MEGF8: variants seen among roughly 807,000 people sequenced by gnomAD.
MEGF8 encodes the protein multiple EGF like domains 8.
In MEGF8, 156 loss-of-function variants were observed where a neutral mutation model predicts 302.9. The ratio of observed to expected loss-of-function variants is 0.52; its 90% CI spans 0.45 to 0.59. The LOEUF is 0.59. Among genes scored for constraint, MEGF8 ranks in the 20% least tolerant of loss-of-function variants. The pLI is 0.00. For synonymous variants in MEGF8, 1,621 were observed against 1,660.5 expected (o/e 0.98, Z 0.58); for missense variants, 3,345 against 3,964.5 (o/e 0.84, Z 4.20).
intron 23 of MEGF8, among the ~76,000 whole-genome samples, chr19:42,355,344 C>T (rs529752602): frequency 6.6e-6 from 1 of 152,220 alleles, no homozygotes; most frequent in African/African-American, 2.4e-5. Context: ...AAATCAGTAT[C>T]TTTTCTAAAG....
Position 42,368,394 on chromosome 19 carries a change from G to A in MEGF8, c.6274-61G>A. The A allele has an allele frequency of 7.1e-7, 1 of 1,414,916 alleles. No individual in the cohort carries two copies. Among genetic ancestry groups the A allele is most frequent in the South Asian group, 1.4e-5 (1 of 73,232 alleles). The allele number at this position is 1,414,916 out of a possible 1,614,324, so 87.6% of individuals were successfully genotyped here. ...CTGGGAAGATACCCAGAATGTGTTT[G>A]TTTAAGCTTATTTCCCCATCTCTCT... is the stretch of plus-strand genomic sequence containing the variant. On this transcript the variant is annotated intron_variant, in intron 35 of 41. Transcript: ENST00000251268. This position sits in a 1 kb window ranked among gnomAD's most constrained non-coding sequence, Gnocchi z 4.9.
intron 1 of MEGF8, among the ~76,000 whole-genome samples, chr19:42,331,789 C>T (rs758156199): frequency 2.0e-5 from 3 of 149,512 alleles, no homozygotes; most frequent in African/African-American, 4.9e-5. Flanking sequence ...AGGCTGGTCT[C>T]GAACTCTTGA....
At position 42,362,579 on chromosome 19, in the gene MEGF8, C is replaced by T. The variant is rs1264350303; in HGVS notation, c.6040C>T (p.Arg2014Trp). The change falls in exon 34 of 42, where the codon CGG becomes TGG. Residue 2014 changes from arginine to tryptophan, a missense_variant. By Grantham distance (101) the Arg-to-Trp change is moderately radical. Coordinates refer to ENST00000251268, the MANE Select transcript of MEGF8 (RefSeq NM_001271938.2). ...CTREGKCMWT[R>W]QFKRTGETRR... ...GCGGGAGGGCAAGTGCATGTGGACGCGGCAGTTCAAGAGGACAGGTGAGCA... is the reference window on the plus strand; with the variant it reads ...GCGGGAGGGCAAGTGCATGTGGACGTGGCAGTTCAAGAGGACAGGTGAGCA... 4 of 1,612,574 alleles carry T rather than the reference C, an allele frequency of 2.5e-6. No individual in the cohort carries two copies. Among genetic ancestry groups the T allele is most frequent in the African/African-American group, 1.3e-5 (1 of 75,040 alleles).
At chr19:42,348,847 CA>C (rs1301274549) in intron 13 of MEGF8, among the ~76,000 whole-genome samples, 1 of 152,232 alleles carries the variant, frequency 6.6e-6, no homozygotes, top group Non-Finnish European at 1.5e-5. Context: ...GATGATCCGC[CA>C]CCTTGGCCTC....
intron 31 of MEGF8, among the ~76,000 whole-genome samples, chr19:42,360,426 A>G (rs13346991): frequency 0.085 from 12,676 of 148,782 alleles, 678 homozygotes; most frequent in Middle Eastern, 0.16. Flanking sequence ...GCTCACTGCA[A>G]CCTCAACCTC....
chr19:42,363,668 GCT>G (rs972653880), intron 35 of MEGF8, among the ~76,000 whole-genome samples: 1 of 152,064 alleles, frequency 6.6e-6, no homozygotes, highest in Non-Finnish European at 1.5e-5. Flanking sequence ...AACCTTTTCT[GCT>G]TCCCTCCTCT....
Position 42,376,007 on chromosome 19 carries a change from C to T in MEGF8, c.7770C>T (p.Arg2590=), listed in dbSNP as rs558377122. The change falls in exon 42 of 42, where the codon CGC becomes CGT. Residue 2590 remains arginine, a synonymous_variant. Coordinates refer to ENST00000251268, the MANE Select transcript of MEGF8 (RefSeq NM_001271938.2). This position sits in a 1 kb window ranked among gnomAD's most constrained non-coding sequence, Gnocchi z 8.2. ...VTEPSAVLVV[R]GVRDRLVITY... ...AGCCGTCGGCAGTGCTGGTGGTCCG[C>T]GGCGTGCGGGACCGGCTGGTCATCA... 37 of 1,606,044 alleles carry T rather than the reference C, an allele frequency of 2.3e-5. No homozygotes were observed. The East Asian group carries it at 2.7e-4, about 12-fold the overall frequency.
rs2039746516 is a variant in MEGF8 at position 42,375,083 on chromosome 19, A to G, written c.7270-424A>G. Among the ~76,000 whole-genome samples the G allele has an allele frequency of 6.6e-6, 1 of 152,174 alleles. No individual in the cohort carries two copies. The highest frequency in any genetic ancestry group is 2.4e-5 in the African/African-American group (1 of 41,450). On this transcript the variant is annotated intron_variant, in intron 41 of 41. Transcript: ENST00000251268. The surrounding 1 kb of genome is among the most constrained non-coding windows in gnomAD (Gnocchi z 7.1). Reference sequence around the variant, plus strand: ...CGCCGAGTGCCATGCACATGATCTCAGTGGTCCTGTGAGCGAGCCGTGGTT... The same window carrying G: ...CGCCGAGTGCCATGCACATGATCTCGGTGGTCCTGTGAGCGAGCCGTGGTT...
chr19:42,369,091 G>C lies in MEGF8; in HGVS notation c.6641+89G>C. The C allele has an allele frequency of 6.7e-7, 1 of 1,502,716 alleles. No individual in the cohort carries two copies. The highest frequency in any genetic ancestry group is 2.1e-5 in the Admixed American group (1 of 47,918). 93.1% of individuals were successfully genotyped at this position (1,502,716 alleles called of 1,614,324 possible). A position where few individuals can be genotyped will look rare whatever the true frequency, so the allele number is the denominator to read the frequency against. On this transcript the variant is annotated intron_variant, in intron 37 of 41. Transcript: ENST00000251268. This position sits in a 1 kb window ranked among gnomAD's most constrained non-coding sequence, Gnocchi z 5.7. ...ATGGATGAGGCCTAGAGCCAAGCAG[G>C]ACAGAAGAAAAGAAAGCTCGAGGCA...
Position 42,336,449 on chromosome 19 carries a change from G to C in MEGF8, c.1244+103G>C. 1 of 1,184,216 alleles carries C rather than the reference G, an allele frequency of 8.4e-7. No individual in the cohort carries two copies. Among genetic ancestry groups the C allele is most frequent in the Non-Finnish European group, 1.2e-6 (1 of 869,310 alleles). 73.4% of individuals were successfully genotyped at this position (1,184,216 alleles called of 1,614,324 possible). A position where few individuals can be genotyped will look rare whatever the true frequency, so the allele number is the denominator to read the frequency against. On this transcript the variant is annotated intron_variant, in intron 6 of 41. Coordinates refer to ENST00000251268, the MANE Select transcript of MEGF8 (RefSeq NM_001271938.2). The surrounding 1 kb of genome is among the most constrained non-coding windows in gnomAD (Gnocchi z 4.8). ...CTTTGCCCACTGTCGGACTCCTGTG[G>C]TCTCTCAGTCACTCCTTCCTTCATG...
In MEGF8 at chr19:42,368,814, C is replaced by T; in HGVS notation, c.6482-29C>T. ...AACTGGGGCAGGTGGTACAGAGGTC[C>T]AGGTAAAATGCTATATCCCCGGTGC... On this transcript the variant is annotated intron_variant, in intron 36 of 41. Transcript: ENST00000251268. The surrounding 1 kb of genome is among the most constrained non-coding windows in gnomAD (Gnocchi z 4.9). 6.2e-7 allele frequency: 1 copy of T among 1,606,978 alleles called. No homozygotes were observed. Among genetic ancestry groups the T allele is most frequent in the Non-Finnish European group, 8.5e-7 (1 of 1,176,152 alleles).
chr19:42,371,062 C>T (rs931120670), intron 40 of MEGF8, among the ~76,000 whole-genome samples: 1 of 150,504 alleles, frequency 6.6e-6, no homozygotes, highest in African/African-American at 2.4e-5. Context: ...GTCCACAGAG[C>T]GGCCCCATCG....
chr19:42,354,829 G>T lies in MEGF8; in HGVS notation c.4144+109G>T. 2 of 1,213,206 alleles carry T rather than the reference G, an allele frequency of 1.6e-6. No individual in the cohort carries two copies. Among genetic ancestry groups the T allele is most frequent in the South Asian group, 1.5e-5 (1 of 64,882 alleles). The allele number at this position is 1,213,206 out of a possible 1,614,324, so 75.2% of individuals were successfully genotyped here. A position where few individuals can be genotyped will look rare whatever the true frequency, so the allele number is the denominator to read the frequency against. ...GGACCCAGCTCTGCCGCTGCTTATG[G>T]GGTGATGTAGTCCCTCACCATCTCT... On this transcript the variant is annotated intron_variant, in intron 23 of 41. Coordinates refer to ENST00000251268, the MANE Select transcript of MEGF8 (RefSeq NM_001271938.2). This position sits in a 1 kb window ranked among gnomAD's most constrained non-coding sequence, Gnocchi z 4.3.
chr19:42,372,474 G>A (rs927788858), intron 41 of MEGF8, among the ~76,000 whole-genome samples: 3 of 151,822 alleles, frequency 2.0e-5, no homozygotes, highest in Non-Finnish European at 4.4e-5. Flanking sequence ...CCACCTCCCC[G>A]CCACCTTCTC....
At chr19:42,350,772 G>A (rs967198322) in intron 15 of MEGF8, among the ~76,000 whole-genome samples, 1 of 152,136 alleles carries the variant, frequency 6.6e-6, no homozygotes, top group Non-Finnish European at 1.5e-5. Context: ...AAGGGTCCAG[G>A]CTCTAAGTCC....
At chr19:42,339,529 C>G (rs1325085989) in intron 8 of MEGF8, among the ~76,000 whole-genome samples, 1 of 152,106 alleles carries the variant, frequency 6.6e-6, no homozygotes, top group African/African-American at 2.4e-5. Context: ...TGAAAAATGT[C>G]TGTTCATGTC....
chr19:42,358,044 G>A lies in MEGF8; in HGVS notation c.5012-100G>A. On this transcript the variant is annotated intron_variant, in intron 28 of 41. Coordinates refer to ENST00000251268, the MANE Select transcript of MEGF8 (RefSeq NM_001271938.2). This position sits in a 1 kb window ranked among gnomAD's most constrained non-coding sequence, Gnocchi z 4.4. ...GGGCTCCCAGGCCTCCAGTCTCAGG[G>A]CCGGGGAAGGGAGTGGTCACCGAAC... is the stretch of plus-strand genomic sequence containing the variant. 8.2e-7 allele frequency: 1 copy of A among 1,219,430 alleles called. No homozygotes were observed. Among genetic ancestry groups the A allele is most frequent in the Non-Finnish European group, 1.1e-6 (1 of 916,926 alleles). 75.5% of individuals were successfully genotyped at this position (1,219,430 alleles called of 1,614,324 possible).
rs2039440832 is a variant in MEGF8 at position 42,355,698 on chromosome 19, G to T, written c.4145-60G>T. 3 of 1,491,682 alleles carry T rather than the reference G, an allele frequency of 2.0e-6. No individual in the cohort carries two copies. In the Admixed American group the frequency reaches 6.7e-5, roughly 33 times the overall value. The allele number at this position is 1,491,682 out of a possible 1,614,324, so 92.4% of individuals were successfully genotyped here. On this transcript the variant is annotated intron_variant, in intron 23 of 41. Transcript: ENST00000251268. ...GTCACACTGGGTTTTCTTAGCATCT[G>T]GGGGTGGAAGGGGCCAGGAACGTGA...
At position 42,358,206 on chromosome 19, in the gene MEGF8, T is replaced by C; in HGVS notation, c.5074T>C (p.Phe1692Leu). ...CGACTCCCTCTACGTGTTTGGGGGG[T>C]TCCGATTCCATGTGGAGCTGGCGGC... ...ATDSLYVFGG[F>L]RFHVELAAPS... is the part of the protein sequence containing the mutation. Residue 1692 changes from phenylalanine (F) to leucine (L), a missense_variant, in exon 29 of 42, where the codon TTC (phenylalanine) becomes CTC (leucine). By Grantham distance (22) the Phe-to-Leu change is conservative (BLOSUM62 0). Transcript: ENST00000251268. The surrounding 1 kb of genome is among the most constrained non-coding windows in gnomAD (Gnocchi z 4.4). 1 of 1,603,554 alleles carries C rather than the reference T, an allele frequency of 6.2e-7. No individual in the cohort carries two copies. Among genetic ancestry groups the C allele is most frequent in the Non-Finnish European group, 8.5e-7 (1 of 1,175,552 alleles).
Sources: allele counts gnomAD v4.1 joint callset (sites outside exome capture counted in the v4.1 genomes callset), GRCh38; gene constraint gnomAD v4.1.1; non-coding constraint Gnocchi (gnomAD v3.1); transcripts MANE v1.5; gene names NCBI Gene and HGNC (gene_info 2026-07-23, HGNC 2026-07-21).